ZC3H18: variants seen among roughly 807,000 people sequenced by gnomAD.
The protein encoded by ZC3H18 is zinc finger CCCH domain-containing protein 18.
ZC3H18 carries 8 observed loss-of-function variants against 106.1 expected under a neutral mutation model. The observed-to-expected ratio is 0.08, with a 90% CI of 0.04 to 0.14. The LOEUF (loss-of-function observed/expected upper bound fraction) is 0.14. Among genes scored for constraint, ZC3H18 ranks in the 10% least tolerant of loss-of-function variants. The pLI, the probability that ZC3H18 is intolerant of heterozygous loss-of-function variation, is 1.00. For missense variants in ZC3H18, 1,318 were observed against 1,278.4 expected (o/e 1.03, Z -0.47); for synonymous variants, 635 against 522.1 (o/e 1.22, Z -2.95).
In ZC3H18 at chr16:88,586,607, A is replaced by T. The variant is rs768477186; in HGVS notation, c.611A>T (p.Asp204Val). The change falls in exon 3 of 18, where the codon GAC becomes GTC. Residue 204 changes from aspartate (D) to valine (V), a missense_variant. Asp to Val is a radical substitution (Grantham distance 152). This residue lies in a region of ZC3H18 where 346 missense variants were observed against 269.0 expected (regional missense o/e 1.29). Coordinates refer to ENST00000301011, the MANE Select transcript of ZC3H18 (RefSeq NM_144604.4). ...EIDDGEIDDD[D>V]LEEGEVKDPS... ...CGGTGTTCTCTGTTTCAGGATGATG[A>T]CCTGGAAGAAGGTGAAGTGAAGGAC... 1 of 1,614,062 alleles carries T rather than the reference A, an allele frequency of 6.2e-7. No homozygotes were observed. The highest frequency in any genetic ancestry group is 1.1e-5 in the South Asian group (1 of 91,076).
At chr16:88,628,372 C>T (rs530051166) in intron 15 of ZC3H18, among the ~76,000 whole-genome samples, 19 of 152,280 alleles carry the variant, frequency 1.2e-4, no homozygotes, top group African/African-American at 4.6e-4. Context: ...TGCCTGTGGC[C>T]GCCATTCCCT....
At chr16:88,587,880 G>A (rs1268576265) in intron 3 of ZC3H18, among the ~76,000 whole-genome samples, 1 of 152,220 alleles carries the variant, frequency 6.6e-6, no homozygotes, top group Non-Finnish European at 1.5e-5. Context: ...GAACGCCCCT[G>A]TGCAAGAGAT....
chr16:88,630,749 A>ACCCC (rs1277102238), intron 17 of ZC3H18, among the ~76,000 whole-genome samples, 168 bp downstream of exon 17: 4 of 43,172 alleles, frequency 9.3e-5, no homozygotes, highest in Admixed American at 2.3e-4. Flanking sequence ...TTGCAGCCCC[A>ACCCC]CCCCCCACCC....
At chr16:88,585,530 C>G (rs1339930790) in intron 2 of ZC3H18, among the ~76,000 whole-genome samples, 1 of 152,330 alleles carries the variant, frequency 6.6e-6, no homozygotes, top group African/African-American at 2.4e-5. Context: ...ACCTGCAGGG[C>G]TTGGGGCTGC....
At chr16:88,624,473 C>T (rs1437089668) in intron 11 of ZC3H18, 129 bp from the exon 12 acceptor site, 16 of 1,221,940 alleles carry the variant, frequency 1.3e-5, no homozygotes, top group African/African-American at 3.0e-5. Context: ...TGTCCAGGCA[C>T]GAGCGTGCTC....
At position 88,623,987 on chromosome 16, in the gene ZC3H18, C is replaced by T. The variant is rs374902859; in HGVS notation, c.1823C>T (p.Pro608Leu). 6.2e-6 allele frequency: 10 copies of T among 1,613,328 alleles called. No homozygotes were observed. The African/African-American group carries it at 9.3e-5, about 15-fold the overall frequency. Residue 608 changes from proline to leucine, a missense_variant, in exon 11 of 18, where the codon CCG becomes CTG. By Grantham distance (98) the Pro-to-Leu change is moderately conservative. This residue lies in a region of ZC3H18 where 848 missense variants were observed against 821.7 expected (regional missense o/e 1.03). Transcript: ENST00000301011. ...RSRSFSSSPS[P>L]SPTPSPHRPS... is the part of the protein sequence containing the mutation. ...CGGTCCTTCTCTTCGTCCCCGTCCC[C>T]GTCCCCAACACCTTCCCCACATAGA...
rs190017963 is a variant in ZC3H18 at position 88,631,181 on chromosome 16, C to G, written c.2744C>G (p.Ala915Gly). 6.2e-7 allele frequency: 1 copy of G among 1,613,758 alleles called. No individual in the cohort carries two copies. The highest frequency in any genetic ancestry group is 8.5e-7 in the Non-Finnish European group (1 of 1,180,032). The change falls in exon 18 of 18, where the codon GCC (alanine) becomes GGC (glycine). Residue 915 changes from alanine (A) to glycine (G), a missense_variant. Around this residue, in one of 6 missense-constraint regions of ZC3H18, gnomAD observed 848 missense variants for 821.7 expected, o/e 1.03. Transcript: ENST00000301011. ...GGCAAAGCCTCGGATCCCGGCGCCG[C>G]CAGCACCAAATCAGGGAAGGCCAGC... ...VPGKASDPGA[A>G]STKSGKASTL...
intron 3 of ZC3H18, among the ~76,000 whole-genome samples, chr16:88,597,432 G>A (rs1304483471): frequency 1.3e-5 from 2 of 152,114 alleles, no homozygotes; most frequent in East Asian, 1.9e-4. Flanking sequence ...AAACCGCTTA[G>A]ATACTATATG....
At chr16:88,606,480 A>G (rs773265388) in intron 6 of ZC3H18, among the ~76,000 whole-genome samples, 1 of 152,238 alleles carries the variant, frequency 6.6e-6, no homozygotes, top group Non-Finnish European at 1.5e-5. Flanking sequence ...CCCAAAAACA[A>G]ATTTGCCGGC....
At chr16:88,574,081 A>C (rs1914582746) in intron 1 of ZC3H18, among the ~76,000 whole-genome samples, 1 of 151,884 alleles carries the variant, frequency 6.6e-6, no homozygotes, top group Admixed American at 6.6e-5. Context: ...CACCATTTTG[A>C]CCGGGCTTGT....
rs753962374 is a variant in ZC3H18, at chr16:88,624,661, C to T, written c.1958C>T (p.Thr653Ile). 1.9e-6 allele frequency: 3 copies of T among 1,614,006 alleles called. No individual in the cohort carries two copies. The highest frequency in any genetic ancestry group is 2.5e-6 in the Non-Finnish European group (3 of 1,180,004). ...GCCCCACCACAGGCCACCAAAACCA[C>T]TGCTCCTGTCCCCGAGCCCACCAAG... ...PPAPPQATKT[T>I]APVPEPTKPG... The change falls in exon 12 of 18, where the codon ACT becomes ATT. Residue 653 changes from threonine to isoleucine, a missense_variant. By Grantham distance (89) the Thr-to-Ile change is moderately conservative. Coordinates refer to ENST00000301011, the MANE Select transcript of ZC3H18 (RefSeq NM_144604.4).
chr16:88,599,546 GTGA>G (rs1203481340), intron 5 of ZC3H18, among the ~76,000 whole-genome samples: 1 of 152,208 alleles, frequency 6.6e-6, no homozygotes, highest in Admixed American at 6.5e-5. Context: ...GTTGAAGGAA[GTGA>G]TGAACACCTC....
chr16:88,583,496 G>C (rs558580588), intron 2 of ZC3H18, among the ~76,000 whole-genome samples: 302 of 152,362 alleles, frequency 2.0e-3, no homozygotes, highest in Admixed American at 3.7e-3. Context: ...GACTTTTGCA[G>C]ATCAGGTGAC....
intron 13 of ZC3H18, chr16:88,625,629 A>C (rs947087800): frequency 6.4e-5 from 17 of 263,684 alleles, no homozygotes; most frequent in Non-Finnish European, 1.3e-4. Context: ...GGCCTGCGTG[A>C]CCTATCACAC....
At chr16:88,626,289 T>G (rs1906305404) in intron 13 of ZC3H18, 1 of 152,138 alleles carries the variant, frequency 6.6e-6, no homozygotes, top group South Asian at 2.1e-4. Context: ...TAGTGGTGTG[T>G]GCCTATGATC....
chr16:88,591,733 T>A (rs1915763329), intron 3 of ZC3H18, among the ~76,000 whole-genome samples: 1 of 152,278 alleles, frequency 6.6e-6, no homozygotes, highest in Admixed American at 6.5e-5. Context: ...GACCCTGCTT[T>A]CAGCTCTTTC....
At chr16:88,600,080 G>A (rs984953454) in intron 6 of ZC3H18, 132 bp downstream of exon 6, 25 of 1,162,302 alleles carry the variant, frequency 2.2e-5, no homozygotes, top group South Asian at 9.1e-5. Flanking sequence ...TCTCAGTGAC[G>A]TTCCTGAGAG....
chr16:88,623,354 C>CAGGGCCCATGA lies in ZC3H18; in HGVS notation c.1793+18_1793+28dup. On this transcript the variant is annotated intron_variant, in intron 10 of 17. Coordinates refer to ENST00000301011, the MANE Select transcript of ZC3H18 (RefSeq NM_144604.4). Reference sequence around the variant, plus strand: ...CAGGAAGCCGGTCCAGGTATGTCCCCAGGGCCCATGAAGGGCCCTCAGCAG... The same window carrying CAGGGCCCATGA: ...CAGGAAGCCGGTCCAGGTATGTCCCCAGGGCCCATGAAGGGCCCATGAAGGGCCCTCAGCAG... The CAGGGCCCATGA allele has an allele frequency of 1.2e-6, 2 of 1,612,536 alleles. No homozygotes were observed. The highest frequency in any genetic ancestry group is 1.7e-6 in the Non-Finnish European group (2 of 1,179,862).
chr16:88,578,547 A>G (rs560601566), intron 2 of ZC3H18, among the ~76,000 whole-genome samples: 1 of 150,134 alleles, frequency 6.7e-6, no homozygotes, highest in South Asian at 2.1e-4. Context: ...TTTTTTTTTG[A>G]AAGATCCTGG....
Sources: gnomAD v4.1 joint callset for allele counts (sites outside exome capture counted in the v4.1 genomes callset) on GRCh38, gnomAD v4.1.1 for gene constraint, gnomAD v4.1.1 regional missense constraint, MANE v1.5 for transcripts, NCBI Gene and HGNC (gene_info 2026-07-23, HGNC 2026-07-21) for gene names.